Variants in EEIG1 observed in about 807,000 individuals in gnomAD.
EEIG1 encodes estrogen-induced osteoclastogenesis regulator 1, also known as early estrogen-induced gene 1 protein.
At chr9:127,967,441 G>A in the EEIG1 span, among the ~76,000 whole-genome samples, 4 of 152,234 alleles carry the variant, frequency 2.6e-5, no homozygotes, top group Non-Finnish European at 5.9e-5. Context: ...CTGGCCGGGA[G>A]AGGGCTGTGA....
At chr9:127,960,605 G>A in the EEIG1 span, among the ~76,000 whole-genome samples, 3 of 152,170 alleles carry the variant, frequency 2.0e-5, no homozygotes, top group East Asian at 1.9e-4. Context: ...GCTGCTGGAG[G>A]CCTGGGGAGG....
the EEIG1 span, chr9:127,945,708 ACCT>A: frequency 6.3e-6 from 10 of 1,589,346 alleles, no homozygotes; most frequent in African/African-American, 2.7e-5. This position sits in a 1 kb window ranked among gnomAD's most constrained non-coding sequence, Gnocchi z 6.5. Context: ...AGAGTGGAAC[ACCT>A]CCTCAGGGCT....
chr9:127,971,797 G>T, the EEIG1 span, among the ~76,000 whole-genome samples: 3 of 152,196 alleles, frequency 2.0e-5, no homozygotes, highest in Non-Finnish European at 4.4e-5. Context: ...AGTGTACAAG[G>T]CCAAAAGAGG....
chr9:127,943,237 C>T, the EEIG1 span: 1 of 1,614,018 alleles, frequency 6.2e-7, no homozygotes, highest in African/African-American at 1.3e-5. Flanking sequence ...CAGAAGAGAC[C>T]CTGCAGGTGA....
chr9:127,973,231 G>C, the EEIG1 span, among the ~76,000 whole-genome samples: 2 of 152,118 alleles, frequency 1.3e-5, no homozygotes, highest in Admixed American at 6.5e-5. This position sits in a 1 kb window ranked among gnomAD's most constrained non-coding sequence, Gnocchi z 4.2. Flanking sequence ...GAGTCAGTCG[G>C]CTCCTGACCC....
At chr9:127,976,900 C>T in the EEIG1 span, among the ~76,000 whole-genome samples, 2 of 152,036 alleles carry the variant, frequency 1.3e-5, no homozygotes, top group African/African-American at 4.8e-5. The surrounding 1 kb of genome is among the most constrained non-coding windows in gnomAD (Gnocchi z 4.1). Context: ...TAACCAGGTC[C>T]AGTTCCCCCA....
chr9:127,969,648 C>T, the EEIG1 span, among the ~76,000 whole-genome samples: 4 of 152,090 alleles, frequency 2.6e-5, no homozygotes, highest in Admixed American at 2.6e-4. Context: ...AGCCCCACAG[C>T]CCAGCAGGCC....
At chr9:127,948,349 G>A in the EEIG1 span, 2 of 1,614,028 alleles carry the variant, frequency 1.2e-6, no homozygotes, top group Non-Finnish European at 1.7e-6. Context: ...CCGCTCCCTA[G>A]GCCTGTGCCA....
chr9:127,940,797 G>A, the EEIG1 span: 3 of 151,720 alleles, frequency 2.0e-5, no homozygotes, highest in African/African-American at 7.3e-5. Context: ...CCTAAAGACA[G>A]AGGAGAACAT....
chr9:127,944,285 G>C, the EEIG1 span: 1 of 427,906 alleles, frequency 2.3e-6, no homozygotes, highest in Non-Finnish European at 4.2e-6. Flanking sequence ...CTGGAGCTGG[G>C]AGGAAGTAGA....
chr9:127,956,307 A>G, the EEIG1 span, among the ~76,000 whole-genome samples: 1 of 152,270 alleles, frequency 6.6e-6, no homozygotes, highest in Non-Finnish European at 1.5e-5. Context: ...ATAAATAAGA[A>G]AAATACCTAG....
chr9:127,941,265 C>T, the EEIG1 span: 3 of 152,296 alleles, frequency 2.0e-5, no homozygotes, highest in African/African-American at 4.8e-5. Context: ...TCCCCAACAG[C>T]GCCAAAGCTG....
the EEIG1 span, chr9:127,945,442 C>T: frequency 6.4e-7 from 1 of 1,565,496 alleles, no homozygotes; most frequent in Non-Finnish European, 8.7e-7. The surrounding 1 kb of genome is among the most constrained non-coding windows in gnomAD (Gnocchi z 6.5). Flanking sequence ...CTCCCGCTCA[C>T]TGCCCTCAGG....
the EEIG1 span, among the ~76,000 whole-genome samples, chr9:127,955,218 G>A: frequency 2.0e-5 from 3 of 152,232 alleles, no homozygotes; most frequent in Non-Finnish European, 4.4e-5. Context: ...GAGGGTCGGA[G>A]AGGGCCGCAG....
At chr9:127,970,874 C>T in the EEIG1 span, among the ~76,000 whole-genome samples, 1 of 152,230 alleles carries the variant, frequency 6.6e-6, no homozygotes, top group Non-Finnish European at 1.5e-5. Context: ...CAGAACCGAG[C>T]CCAGCATCAC....
the EEIG1 span, among the ~76,000 whole-genome samples, chr9:127,961,521 G>A: frequency 5.3e-4 from 81 of 152,334 alleles, 1 homozygote; most frequent in East Asian, 2.3e-3. Flanking sequence ...CACTGCTGAA[G>A]GCTCTGGGAA....
the EEIG1 span, among the ~76,000 whole-genome samples, chr9:127,978,705 C>T: frequency 2.6e-5 from 4 of 152,102 alleles, 1 homozygote; most frequent in African/African-American, 7.2e-5. Flanking sequence ...ATCGTGGTAG[C>T]GTGCGCCTGT....
the EEIG1 span, chr9:127,945,229 T>G: frequency 4.0e-6 from 3 of 745,116 alleles, no homozygotes; most frequent in Admixed American, 2.9e-5. The surrounding 1 kb of genome is among the most constrained non-coding windows in gnomAD (Gnocchi z 6.5). Context: ...TTCAGGGCCA[T>G]CAGCTAGTGG....
chr9:127,948,216 C>T, the EEIG1 span: 15 of 1,613,736 alleles, frequency 9.3e-6, 1 homozygote, highest in African/African-American at 1.1e-4. Flanking sequence ...ACTTGGCAGT[C>T]GATGGTGGCC....
Sources: gnomAD v4.1 joint callset for allele counts (sites outside exome capture counted in the v4.1 genomes callset) on GRCh38, gnomAD v4.1.1 for gene constraint, Gnocchi (gnomAD v3.1) non-coding constraint, MANE v1.5 for transcripts, NCBI Gene and HGNC (gene_info 2026-07-23, HGNC 2026-07-21) for gene names.